SLC6A20: variants seen among roughly 807,000 people sequenced by gnomAD.
SLC6A20 encodes sodium- and chloride-dependent transporter XTRP3.
In SLC6A20, 73 loss-of-function variants were observed where a neutral mutation model predicts 64.3. That is an observed-to-expected ratio of 1.14 (90% CI 0.94 to 1.38). The LOEUF (loss-of-function observed/expected upper bound fraction) is 1.38, where lower values mean the gene tolerates loss of function less well. Ranked by LOEUF, SLC6A20 falls within the 40% of genes most tolerant of loss-of-function variation. The pLI, the probability that SLC6A20 is intolerant of heterozygous loss-of-function variation, is 0.00. For missense variants in SLC6A20, 725 were observed against 772.8 expected (o/e 0.94, Z 0.73); for synonymous variants, 347 against 329.6 (o/e 1.05, Z -0.57).
chr3:45,765,831 G>T lies in SLC6A20; in HGVS notation c.1099-90C>A. ...GTACTAAGCAACATGGGGGACCTTGGAAGTGGCCATGAGAAGCCACATTGT... is the reference window on the plus strand; with the variant it reads ...GTACTAAGCAACATGGGGGACCTTGTAAGTGGCCATGAGAAGCCACATTGT... On this transcript the variant is annotated intron_variant, in intron 7 of 10. Transcript: ENST00000358525. This position sits in a 1 kb window ranked among gnomAD's most constrained non-coding sequence, Gnocchi z 4.2. 7.1e-7 allele frequency: 1 copy of T among 1,417,644 alleles called. No individual in the cohort carries two copies. The allele number at this position is 1,417,644 out of a possible 1,614,324, so 87.8% of individuals were successfully genotyped here.
At chr3:45,782,280 C>G (rs1208663948) in intron 1 of SLC6A20, 57 bp from the exon 2 acceptor site, 13 of 1,555,488 alleles carry the variant, frequency 8.4e-6, no homozygotes, top group Non-Finnish European at 1.1e-5. Flanking sequence ...TCTCCACGAC[C>G]ACTCAACCTC....
chr3:45,775,105 T>G (rs114368958), intron 4 of SLC6A20, among the ~76,000 whole-genome samples: 1 of 152,104 alleles, frequency 6.6e-6, no homozygotes, highest in African/African-American at 2.4e-5. Flanking sequence ...AGACTAGAGA[T>G]GAAGGAACAT....
chr3:45,776,020 G>A lies in SLC6A20; in HGVS notation c.355-32C>T, dbSNP rs200708237. ...GACCAAAGCAAGTGTTATCCAGGGA[G>A]GTGAAGGCTGAGGACAAAGGCTGTG... is the stretch of plus-strand genomic sequence containing the variant. On this transcript the variant is annotated intron_variant, in intron 3 of 10. Coordinates refer to ENST00000358525, the MANE Select transcript of SLC6A20 (RefSeq NM_020208.4). 6.1e-5 allele frequency: 98 copies of A among 1,606,000 alleles called. No homozygotes were observed. The African/African-American group carries it at 1.1e-3, about 19-fold the overall frequency.
intron 4 of SLC6A20, among the ~76,000 whole-genome samples, chr3:45,773,682 T>C (rs1699915824): frequency 8.2e-6 from 1 of 121,868 alleles, no homozygotes; most frequent in Non-Finnish European, 1.8e-5. Flanking sequence ...TCAGGTGGGC[T>C]TGAATTACAC....
At chr3:45,789,747 AT>A (rs1239759311) in intron 1 of SLC6A20, among the ~76,000 whole-genome samples, 4 of 152,066 alleles carry the variant, frequency 2.6e-5, no homozygotes, top group Non-Finnish European at 5.9e-5. Flanking sequence ...ATTTTACAGA[AT>A]TTTTTCCTAA....
At chr3:45,764,774 G>C (rs1699747567) in intron 8 of SLC6A20, among the ~76,000 whole-genome samples, 1 of 152,078 alleles carries the variant, frequency 6.6e-6, no homozygotes, top group East Asian at 1.9e-4. Context: ...TGAACTCCAG[G>C]GGTGCATACT....
At chr3:45,778,949 A>G (rs1484873735) in intron 3 of SLC6A20, among the ~76,000 whole-genome samples, 1 of 152,218 alleles carries the variant, frequency 6.6e-6, no homozygotes, top group Non-Finnish European at 1.5e-5. Flanking sequence ...GGTGGAGCTC[A>G]TTGGGAAGCC....
intron 2 of SLC6A20, among the ~76,000 whole-genome samples, chr3:45,781,878 T>C (rs982387855): frequency 2.6e-5 from 4 of 152,116 alleles, no homozygotes; most frequent in African/African-American, 9.7e-5. Flanking sequence ...CTCCCTGTCT[T>C]ACCGCCCTGT....
Position 45,771,381 on chromosome 3 carries a change from G to A in SLC6A20, c.771C>T (p.Gly257=). The change falls in exon 6 of 11, where the codon GGC becomes GGT. Residue 257 remains glycine (G), a synonymous_variant. Coordinates refer to ENST00000358525, the MANE Select transcript of SLC6A20 (RefSeq NM_020208.4). ...TGTAGCTGGCGAAGGCGATCAGGCT[G>A]CCGAAGCCCAGGCCAAGTGAGAAGA... is the stretch of plus-strand genomic sequence containing the variant. The part of the protein sequence containing the change: ...QIFFSLGLGF[G]SLIAFASYNE... The A allele has an allele frequency of 6.2e-7, 1 of 1,614,252 alleles. No individual in the cohort carries two copies. The highest frequency in any genetic ancestry group is 2.2e-5 in the East Asian group (1 of 44,888).
At chr3:45,785,753 G>A (rs973013018) in intron 1 of SLC6A20, among the ~76,000 whole-genome samples, 7 of 152,144 alleles carry the variant, frequency 4.6e-5, no homozygotes, top group Admixed American at 3.9e-4. Context: ...ATTCTTCAGC[G>A]CTCCTCCCCT....
chr3:45,772,370 C>T, intron 5 of SLC6A20, 135 bp downstream of exon 5: 1 of 700,796 alleles, frequency 1.4e-6, no homozygotes, highest in Non-Finnish European at 2.3e-6. Flanking sequence ...ACTCCTGCCA[C>T]ACCCTGGTGG....
chr3:45,780,559 C>A (rs1700063274), intron 2 of SLC6A20, among the ~76,000 whole-genome samples: 1 of 152,192 alleles, frequency 6.6e-6, no homozygotes, highest in African/African-American at 2.4e-5. Flanking sequence ...CAGTTATGCT[C>A]CCTCCTTGGC....
intron 1 of SLC6A20, among the ~76,000 whole-genome samples, chr3:45,787,484 A>G (rs1278320092): frequency 2.0e-5 from 3 of 152,112 alleles, no homozygotes; most frequent in Admixed American, 1.3e-4. Context: ...CTGCCTCTCT[A>G]CTAGCAAGGA....
At chr3:45,763,838 C>T (rs941032766) in intron 8 of SLC6A20, among the ~76,000 whole-genome samples, 4 of 152,204 alleles carry the variant, frequency 2.6e-5, no homozygotes, top group African/African-American at 7.2e-5. Flanking sequence ...CTGCCCTTTC[C>T]ACTAGCACAC....
At chr3:45,779,903 C>T (rs577630263) in intron 3 of SLC6A20, 106 bp downstream of exon 3, 14 of 1,246,022 alleles carry the variant, frequency 1.1e-5, no homozygotes, top group African/African-American at 6.0e-5. Context: ...CTCCCCGCCC[C>T]GAGGCTGCTC....
In SLC6A20 at chr3:45,764,408, T is replaced by G. The variant is rs147866881; in HGVS notation, c.1303+1129A>C. On this transcript the variant is annotated intron_variant, in intron 8 of 10. Coordinates refer to ENST00000358525, the MANE Select transcript of SLC6A20 (RefSeq NM_020208.4). Reference sequence around the variant, plus strand: ...CAATAGGACTTCGTTCATATGAAATTCAGGAACAGGAAGGCCAGGCGCAAT... The same window carrying G: ...CAATAGGACTTCGTTCATATGAAATGCAGGAACAGGAAGGCCAGGCGCAAT... Among the ~76,000 whole-genome samples the G allele has an allele frequency of 4.9e-4, 74 of 152,184 alleles. No individual in the cohort carries two copies. The East Asian group carries it at 0.013, about 26-fold the overall frequency.
Position 45,765,194 on chromosome 3 carries a change from C to T in SLC6A20, c.1303+343G>A, listed in dbSNP as rs1230262025. 6.6e-6 allele frequency among the ~76,000 whole-genome samples: 1 copy of T among 152,124 alleles called. No homozygotes were observed. The highest frequency in any genetic ancestry group is 1.5e-5 in the Non-Finnish European group (1 of 68,030). On this transcript the variant is annotated intron_variant, in intron 8 of 10. Transcript: ENST00000358525. The surrounding 1 kb of genome is among the most constrained non-coding windows in gnomAD (Gnocchi z 4.2). ...CGCCACTGAACTCCAGCCTGGGCAA[C>T]AGAGCGAGACTCCGTCTGAAATATA...
intron 7 of SLC6A20, among the ~76,000 whole-genome samples, chr3:45,768,464 T>G (rs1699808770): frequency 6.6e-6 from 1 of 152,114 alleles, no homozygotes; most frequent in African/African-American, 2.4e-5. Flanking sequence ...AAAGTTGAAG[T>G]GAGAGCACTG....
In SLC6A20 at chr3:45,765,386, G is replaced by T; in HGVS notation, c.1303+151C>A. The stretch of plus-strand genomic sequence containing the variant: ...AATCACATGGCCCAGGTCCCAGGTT[G>T]TGAGAAGACATGGCAGGACCGTGGT... On this transcript the variant is annotated intron_variant, in intron 8 of 10. Transcript: ENST00000358525. This position sits in a 1 kb window ranked among gnomAD's most constrained non-coding sequence, Gnocchi z 4.2. The T allele has an allele frequency of 1.3e-6, 1 of 789,132 alleles. No homozygotes were observed. Among genetic ancestry groups the T allele is most frequent in the Non-Finnish European group, 2.0e-6 (1 of 497,714 alleles). The allele number at this position is 789,132 out of a possible 1,614,324, so 48.9% of individuals were successfully genotyped here. A position where few individuals can be genotyped will look rare whatever the true frequency, so the allele number is the denominator to read the frequency against.
Sources: allele counts gnomAD v4.1 joint callset (sites outside exome capture counted in the v4.1 genomes callset), GRCh38; gene constraint gnomAD v4.1.1; non-coding constraint Gnocchi (gnomAD v3.1); transcripts MANE v1.5; gene names NCBI Gene and HGNC (gene_info 2026-07-23, HGNC 2026-07-21).